Variants in TMEM132B observed in about 807,000 individuals in gnomAD.
TMEM132B encodes the protein transmembrane protein 132B.
Under a neutral mutation model 90.8 loss-of-function variants are expected in TMEM132B, and 18 were observed. The ratio of observed to expected loss-of-function variants is 0.20; its 90% confidence interval spans 0.14 to 0.29. The LOEUF is 0.29. Ranked by LOEUF, TMEM132B falls within the 10% of genes least tolerant of loss-of-function variation. The probability of loss-of-function intolerance (pLI) is 1.00; values close to 1 mark genes in which losing one functional copy is unlikely to be tolerated. For missense variants in TMEM132B, 1,096 were observed against 1,326.8 expected (o/e 0.83, Z 2.70); for synonymous variants, 504 against 523.3 (o/e 0.96, Z 0.50).
At chr12:125,389,228 C>G (rs1292011903) in intron 2 of TMEM132B, among the ~76,000 whole-genome samples, 2 of 151,972 alleles carry the variant, frequency 1.3e-5, no homozygotes, top group African/African-American at 4.8e-5. Flanking sequence ...AAGTGTTATG[C>G]AAAAATTAAA....
chr12:125,631,177 T>C (rs931787502), intron 5 of TMEM132B, among the ~76,000 whole-genome samples: 1 of 152,148 alleles, frequency 6.6e-6, no homozygotes, highest in Non-Finnish European at 1.5e-5. Context: ...GGTTTTCTTA[T>C]GTTGTGTTTC....
chr12:125,584,094 C>CAG, intron 5 of TMEM132B, 100 bp downstream of exon 5: 5 of 1,567,696 alleles, frequency 3.2e-6, no homozygotes, highest in Admixed American at 1.7e-5. Context: ...ATCCCATGCT[C>CAG]TAAAGGGCTG....
intron 7 of TMEM132B, among the ~76,000 whole-genome samples, chr12:125,651,234 G>A (rs901574190): frequency 2.0e-5 from 3 of 152,180 alleles, no homozygotes; most frequent in Non-Finnish European, 4.4e-5. Context: ...GAAACATGTA[G>A]TGTAAATAAT....
chr12:125,600,458 T>C (rs1885542628), intron 5 of TMEM132B, among the ~76,000 whole-genome samples: 5 of 152,222 alleles, frequency 3.3e-5, no homozygotes, highest in Admixed American at 3.3e-4. Context: ...GCTTGTCAAC[T>C]TGTTATTTGT....
chr12:125,369,823 C>A (rs544303545), intron 2 of TMEM132B, among the ~76,000 whole-genome samples: 5 of 152,092 alleles, frequency 3.3e-5, no homozygotes, highest in Non-Finnish European at 7.4e-5. Context: ...GCGGAGGTGG[C>A]GGATCACCTG....
intron 4 of TMEM132B, among the ~76,000 whole-genome samples, chr12:125,570,834 C>A: frequency 6.6e-6 from 1 of 152,090 alleles, no homozygotes; most frequent in East Asian, 1.9e-4. Flanking sequence ...GAATTAGATT[C>A]CTACTCAGAG....
intron 2 of TMEM132B, among the ~76,000 whole-genome samples, chr12:125,357,932 T>G (rs1489195982): frequency 6.6e-6 from 1 of 152,212 alleles, no homozygotes; most frequent in Non-Finnish European, 1.5e-5. Flanking sequence ...TTAGCCTCAG[T>G]CTCCCCCATC....
rs889658790 is a variant in TMEM132B, at chr12:125,655,540, A to G, written c.*830A>G. The G allele has an allele frequency of 1.3e-5, 2 of 152,250 alleles. No individual in the cohort carries two copies. The highest frequency in any genetic ancestry group is 2.9e-5 in the Non-Finnish European group (2 of 68,048). 9.4% of individuals were successfully genotyped at this position (152,250 alleles called of 1,614,324 possible). On this transcript the variant is annotated 3_prime_UTR_variant, in exon 9 of 9. Transcript: ENST00000682704. The stretch of plus-strand genomic sequence containing the variant: ...TTTACTGTTTTCTATGTGAAGTTTC[A>G]AACATTTGGAAAAAAGTTGTCAATC...
Position 125,658,591 on chromosome 12 carries a change from G to GCATAT in TMEM132B, c.*3884_*3888dup, listed in dbSNP as rs1887129397. 6.6e-6 allele frequency: 1 copy of GCATAT among 152,194 alleles called. No individual in the cohort carries two copies. The highest frequency in any genetic ancestry group is 2.4e-5 in the African/African-American group (1 of 41,454). The allele number at this position is 152,194 out of a possible 1,614,324, so 9.4% of individuals were successfully genotyped here. On this transcript the variant is annotated 3_prime_UTR_variant, in exon 9 of 9. Coordinates refer to ENST00000682704, the MANE Select transcript of TMEM132B (RefSeq NM_001366854.1). ...TAAAATTATATATGTGTGATGTAAT[G>GCATAT]CATATCACCTGTCATGTAAAGGGAC...
chr12:125,228,828 G>GT (rs1187311320), intron 1 of TMEM132B, among the ~76,000 whole-genome samples: 1 of 152,214 alleles, frequency 6.6e-6, no homozygotes, highest in African/African-American at 2.4e-5. Flanking sequence ...CTGTTTTCCA[G>GT]TGATTGGTTT....
chr12:125,503,304 A>G (rs1882745541), intron 3 of TMEM132B, among the ~76,000 whole-genome samples: 1 of 152,094 alleles, frequency 6.6e-6, no homozygotes, highest in Non-Finnish European at 1.5e-5. Flanking sequence ...CATAGACATG[A>G]TGTCAAAGGT....
chr12:125,338,269 T>A (rs1877040325), intron 1 of TMEM132B, among the ~76,000 whole-genome samples: 1 of 152,222 alleles, frequency 6.6e-6, no homozygotes, highest in South Asian at 2.1e-4. Context: ...TATTTTTTCT[T>A]TGATCCCATG....
At chr12:125,470,856 T>G (rs187350029) in intron 3 of TMEM132B, among the ~76,000 whole-genome samples, 1 of 152,278 alleles carries the variant, frequency 6.6e-6, no homozygotes, top group African/African-American at 2.4e-5. Flanking sequence ...CATTTTTCCC[T>G]CCTTCAGCAA....
At chr12:125,503,875 G>A (rs1027669709) in intron 3 of TMEM132B, among the ~76,000 whole-genome samples, 4 of 152,240 alleles carry the variant, frequency 2.6e-5, no homozygotes, top group African/African-American at 9.6e-5. Context: ...AATTTCAGGA[G>A]TGCTTTAAGA....
chr12:125,552,865 G>A (rs979701892), intron 4 of TMEM132B, among the ~76,000 whole-genome samples: 9 of 152,264 alleles, frequency 5.9e-5, no homozygotes, highest in African/African-American at 2.2e-4. Context: ...CCTGCACAGG[G>A]AGTCAGGAGA....
chr12:125,472,888 C>T lies in TMEM132B; in HGVS notation c.1107-46551C>T, dbSNP rs116498599. On this transcript the variant is annotated intron_variant, in intron 3 of 8. Coordinates refer to ENST00000682704, the MANE Select transcript of TMEM132B (RefSeq NM_001366854.1). ...AGTCTAAAGTGTTTTGTTGTAGTCACGCAAACAAAGTATAGAAATGCAGTG... is the reference window on the plus strand; with the variant it reads ...AGTCTAAAGTGTTTTGTTGTAGTCATGCAAACAAAGTATAGAAATGCAGTG... Among the ~76,000 whole-genome samples, 383 of 152,266 alleles carry T rather than the reference C, an allele frequency of 2.5e-3. 2 individuals are homozygous for T. Among genetic ancestry groups the T allele is most frequent in the African/African-American group, 8.8e-3 (364 of 41,542 alleles).
chr12:125,312,569 C>T (rs562649923), intron 1 of TMEM132B, among the ~76,000 whole-genome samples: 11 of 152,306 alleles, frequency 7.2e-5, no homozygotes, highest in Middle Eastern at 6.8e-3. Context: ...CCAGGCTGAG[C>T]GCCACCATCT....
At chr12:125,466,411 T>G (rs1429278980) in intron 3 of TMEM132B, among the ~76,000 whole-genome samples, 2 of 152,160 alleles carry the variant, frequency 1.3e-5, no homozygotes, top group African/African-American at 4.8e-5. Context: ...ATACAGACCT[T>G]TTCAGGTAGT....
intron 4 of TMEM132B, among the ~76,000 whole-genome samples, chr12:125,530,994 C>A (rs1740417269): frequency 6.6e-6 from 1 of 152,128 alleles, no homozygotes; most frequent in Non-Finnish European, 1.5e-5. Flanking sequence ...AGTCACTGCA[C>A]CTTCGCGTGT....
Sources: gnomAD v4.1 joint callset for allele counts (sites outside exome capture counted in the v4.1 genomes callset) on GRCh38, gnomAD v4.1.1 for gene constraint, MANE v1.5 for transcripts, NCBI Gene and HGNC (gene_info 2026-07-23, HGNC 2026-07-21) for gene names.